The following SGCZ variants were observed in gnomAD, a reference collection of about 807,000 sequenced individuals.
The protein encoded by SGCZ is sarcoglycan zeta.
In SGCZ, 40 loss-of-function variants were observed where a neutral mutation model predicts 41.3. The observed-to-expected ratio is 0.97, with a 90% CI of 0.75 to 1.26. The LOEUF (loss-of-function observed/expected upper bound fraction) is 1.26. Among genes scored for constraint, SGCZ ranks in the 50% most tolerant of loss-of-function variants. The pLI, the probability that SGCZ is intolerant of heterozygous loss-of-function variation, is 0.00. For synonymous variants in SGCZ, 206 were observed against 137.5 expected (o/e 1.50, Z -3.49); for missense variants, 552 against 369.8 (o/e 1.49, Z -4.04).
At chr8:14,741,157 G>A (rs73199231) in intron 1 of SGCZ, among the ~76,000 whole-genome samples, 2,450 of 152,064 alleles carry the variant, frequency 0.016, 32 homozygotes, top group Non-Finnish European at 0.025. Context: ...TATGAAGGAC[G>A]GTTGATTCTT....
intron 2 of SGCZ, among the ~76,000 whole-genome samples, chr8:14,342,623 G>A (rs944393208): frequency 3.9e-5 from 6 of 152,100 alleles, no homozygotes; most frequent in South Asian, 2.1e-4. Context: ...CCTGGTGGAA[G>A]AAATTTCTCA....
chr8:14,778,002 T>C (rs1376812703), intron 1 of SGCZ, among the ~76,000 whole-genome samples: 1 of 151,946 alleles, frequency 6.6e-6, no homozygotes, highest in Non-Finnish European at 1.5e-5. Flanking sequence ...CAGCTCACTG[T>C]AACCTTCATC....
intron 4 of SGCZ, among the ~76,000 whole-genome samples, chr8:14,181,512 G>C (rs975646499): frequency 3.9e-5 from 6 of 152,206 alleles, no homozygotes; most frequent in Admixed American, 1.3e-4. Context: ...GTTACCTGTT[G>C]ATATGGTTTG....
At chr8:14,118,191 C>T (rs1042331876) in intron 5 of SGCZ, among the ~76,000 whole-genome samples, 1 of 152,084 alleles carries the variant, frequency 6.6e-6, no homozygotes, top group African/African-American at 2.4e-5. Context: ...CTAATTTGCA[C>T]TCCTACCAAC....
At chr8:14,229,004 T>C (rs907504623) in intron 4 of SGCZ, among the ~76,000 whole-genome samples, 1 of 151,916 alleles carries the variant, frequency 6.6e-6, no homozygotes, top group East Asian at 1.9e-4. Flanking sequence ...AGAACTGCAG[T>C]GATTGATGTT....
intron 1 of SGCZ, among the ~76,000 whole-genome samples, chr8:14,598,050 A>T (rs2117303943): frequency 6.6e-6 from 1 of 152,334 alleles, no homozygotes; most frequent in South Asian, 2.1e-4. Context: ...TAGAGCAAAA[A>T]TTATGAGTAT....
chr8:14,622,486 G>C (rs185361974), intron 1 of SGCZ, among the ~76,000 whole-genome samples: 1 of 152,080 alleles, frequency 6.6e-6, no homozygotes, highest in East Asian at 1.9e-4. Flanking sequence ...CAATTAATTA[G>C]ACTACACAAA....
At chr8:14,639,588 G>C (rs1039512059) in intron 1 of SGCZ, among the ~76,000 whole-genome samples, 2 of 151,572 alleles carry the variant, frequency 1.3e-5, no homozygotes, top group Admixed American at 1.3e-4. Flanking sequence ...AATCTTGAAG[G>C]CCTCCTGATC....
chr8:14,892,341 T>G (rs1220903834), intron 1 of SGCZ, among the ~76,000 whole-genome samples: 1 of 152,158 alleles, frequency 6.6e-6, no homozygotes, highest in African/African-American at 2.4e-5. Flanking sequence ...AAAAGCGTGA[T>G]GCTCATATGT....
chr8:15,075,498 G>A (rs887554994), intron 1 of SGCZ, among the ~76,000 whole-genome samples: 2 of 152,072 alleles, frequency 1.3e-5, no homozygotes, highest in Non-Finnish European at 2.9e-5. Context: ...AAGAAGCATT[G>A]TGGTTCCAGC....
intron 5 of SGCZ, among the ~76,000 whole-genome samples, chr8:14,162,087 A>T (rs1365996869): frequency 6.6e-6 from 1 of 152,212 alleles, no homozygotes; most frequent in African/African-American, 2.4e-5. Flanking sequence ...AGTCCAAGCA[A>T]CATTTCAAGG....
At chr8:14,969,078 A>C (rs181478410) in intron 1 of SGCZ, among the ~76,000 whole-genome samples, 1 of 152,132 alleles carries the variant, frequency 6.6e-6, no homozygotes, top group Non-Finnish European at 1.5e-5. Context: ...ATGTAAAGCT[A>C]TTGAGAAACT....
intron 1 of SGCZ, among the ~76,000 whole-genome samples, chr8:14,575,790 C>A (rs901980781): frequency 1.3e-5 from 2 of 151,862 alleles, no homozygotes; most frequent in African/African-American, 4.8e-5. Context: ...CCTGTAATCC[C>A]AGCTACTTTG....
chr8:14,938,444 A>G (rs952469640), intron 1 of SGCZ, among the ~76,000 whole-genome samples: 1 of 152,152 alleles, frequency 6.6e-6, no homozygotes, highest in African/African-American at 2.4e-5. Context: ...ATGATGATTC[A>G]CTTCCACTCA....
chr8:14,740,191 G>A (rs986344780), intron 1 of SGCZ, among the ~76,000 whole-genome samples: 3 of 151,878 alleles, frequency 2.0e-5, no homozygotes, highest in African/African-American at 7.2e-5. Context: ...ACATCTCCTG[G>A]AAAAAGATAA....
At chr8:14,460,197 T>G (rs1463145847) in intron 2 of SGCZ, among the ~76,000 whole-genome samples, 1 of 152,198 alleles carries the variant, frequency 6.6e-6, no homozygotes, top group East Asian at 1.9e-4. Flanking sequence ...ATAAAATTAT[T>G]TCAAAATAAT....
At position 14,348,494 on chromosome 8, in the gene SGCZ, C is replaced by T. The variant is rs576462786; in HGVS notation, c.235-24290G>A. 7.2e-5 allele frequency among the ~76,000 whole-genome samples: 11 copies of T among 152,102 alleles called. No individual in the cohort carries two copies. In the East Asian group the frequency reaches 7.7e-4, roughly 11 times the overall value. ...GCAGTATATTTGAGTCATATATATT[C>T]GTTCGTCTCTAATCCCATAGATTGA... On this transcript the variant is annotated intron_variant, in intron 2 of 7. Coordinates refer to ENST00000382080, the MANE Select transcript of SGCZ (RefSeq NM_139167.4).
At chr8:14,942,496 T>A (rs904088773) in intron 1 of SGCZ, among the ~76,000 whole-genome samples, 1 of 152,092 alleles carries the variant, frequency 6.6e-6, no homozygotes, top group African/African-American at 2.4e-5. Context: ...GAATAAATCA[T>A]AATCAAAAGA....
At chr8:14,929,605 A>G (rs1799867730) in intron 1 of SGCZ, among the ~76,000 whole-genome samples, 1 of 152,026 alleles carries the variant, frequency 6.6e-6, no homozygotes, top group Non-Finnish European at 1.5e-5. Context: ...CTCCCAAAGA[A>G]GGAATATACA....
Sources: gnomAD v4.1 joint callset for allele counts (sites outside exome capture counted in the v4.1 genomes callset) on GRCh38, gnomAD v4.1.1 for gene constraint, MANE v1.5 for transcripts, NCBI Gene and HGNC (gene_info 2026-07-23, HGNC 2026-07-21) for gene names.